WNK2: variants seen among roughly 807,000 people sequenced by gnomAD.
WNK2 encodes WNK lysine deficient protein kinase 2, also known as serine/threonine-protein kinase WNK2.
A neutral mutation model predicts 192.1 loss-of-function variants in WNK2; 67 were observed. The ratio of observed to expected loss-of-function variants is 0.35; its 90% CI spans 0.29 to 0.43. The LOEUF (loss-of-function observed/expected upper bound fraction) is 0.43. Among genes scored for constraint, WNK2 ranks in the 20% least tolerant of loss-of-function variants. The probability of loss-of-function intolerance (pLI) is 1.00; values close to 1 mark genes in which losing one functional copy is unlikely to be tolerated. For synonymous variants in WNK2, 1,439 were observed against 1,393.9 expected (o/e 1.03, Z -0.72); for missense variants, 2,698 against 3,089.7 (o/e 0.87, Z 3.01).
chr9:93,238,920 T>A (rs376304521), intron 6 of WNK2, among the ~76,000 whole-genome samples: 2 of 151,728 alleles, frequency 1.3e-5, no homozygotes, highest in Non-Finnish European at 2.9e-5. Flanking sequence ...CACACTGGAG[T>A]ACACCCACCA....
intron 2 of WNK2, among the ~76,000 whole-genome samples, chr9:93,211,174 A>ACTCACT (rs1834491811): frequency 1.3e-4 from 1 of 7,576 alleles, no homozygotes; most frequent in African/African-American, 4.7e-4. Context: ...CCTCACTCAT[A>ACTCACT]CATCCACTCA....
At chr9:93,203,069 G>T (rs1406533160) in intron 2 of WNK2, among the ~76,000 whole-genome samples, 3 of 151,752 alleles carry the variant, frequency 2.0e-5, no homozygotes, top group Non-Finnish European at 4.4e-5. Flanking sequence ...AGCCCCACAG[G>T]CCTTGTGGGG....
At chr9:93,191,507 A>T (rs1380474622) in intron 2 of WNK2, among the ~76,000 whole-genome samples, 1 of 151,770 alleles carries the variant, frequency 6.6e-6, no homozygotes, top group Non-Finnish European at 1.5e-5. Context: ...AGGCTGGAGG[A>T]GGGGCGGGAG....
chr9:93,314,899 T>C (rs369063962), intron 28 of WNK2, among the ~76,000 whole-genome samples: 2 of 150,954 alleles, frequency 1.3e-5, no homozygotes, highest in African/African-American at 2.5e-5. Flanking sequence ...CCGGGGGGGG[T>C]TTTGCTGAAG....
At chr9:93,270,272 G>A (rs868248731) in intron 19 of WNK2, among the ~76,000 whole-genome samples, 1 of 152,210 alleles carries the variant, frequency 6.6e-6, no homozygotes, top group Non-Finnish European at 1.5e-5. Context: ...GCATGTGCAC[G>A]GAAGGCCTTT....
At chr9:93,238,467 T>A in intron 6 of WNK2, 146 bp downstream of exon 6, 2 of 758,340 alleles carry the variant, frequency 2.6e-6, no homozygotes, top group Non-Finnish European at 4.5e-6. Flanking sequence ...CAGGGGCTGG[T>A]GAGCATGTCG....
chr9:93,269,064 C>T, intron 19 of WNK2: 1 of 944,336 alleles, frequency 1.1e-6, no homozygotes, highest in East Asian at 2.6e-5. Context: ...ACTCCTTGCT[C>T]CTGTCCCTTT....
At chr9:93,313,570 T>C (rs1854052399) in intron 28 of WNK2, among the ~76,000 whole-genome samples, 1 of 152,138 alleles carries the variant, frequency 6.6e-6, no homozygotes, top group African/African-American at 2.4e-5. Context: ...GAAATTGTAT[T>C]TGCAAAAAGA....
chr9:93,211,887 CACAT>C (rs548180710), intron 2 of WNK2, among the ~76,000 whole-genome samples: 5,225 of 151,820 alleles, frequency 0.034, 298 homozygotes, highest in African/African-American at 0.12. Flanking sequence ...CACACACTCA[CACAT>C]TTACTCATTC....
In WNK2 at chr9:93,299,061, C is replaced by T. The variant is rs1264598020; in HGVS notation, c.5924-9C>T. 2.5e-6 allele frequency: 4 copies of T among 1,607,460 alleles called. No individual in the cohort carries two copies. Among genetic ancestry groups the T allele is most frequent in the African/African-American group, 1.3e-5 (1 of 74,796 alleles). On this transcript the variant is annotated splice_polypyrimidine_tract_variant and intron_variant, in intron 24 of 29. Transcript: ENST00000427277. ...CATCGTGCCTGTCGCCTCTTCTCCC[C>T]CCGCCCAGGTCACTTGGCTGACTCC... is the stretch of plus-strand genomic sequence containing the variant.
chr9:93,317,287 G>A, intron 28 of WNK2: 1 of 591,520 alleles, frequency 1.7e-6, no homozygotes. Context: ...ACACCCAGGT[G>A]TGTGGCCTAG....
At chr9:93,260,875 G>A (rs1384371801) in intron 12 of WNK2, among the ~76,000 whole-genome samples, 1 of 152,218 alleles carries the variant, frequency 6.6e-6, no homozygotes, top group Admixed American at 6.5e-5. Flanking sequence ...GGGAGCAGGA[G>A]GGGGACCTTG....
rs1057440433 is a variant in WNK2, at chr9:93,259,159, A to G, written c.2611A>G (p.Met871Val). 2.5e-6 allele frequency: 4 copies of G among 1,602,890 alleles called. No individual in the cohort carries two copies. The highest frequency in any genetic ancestry group is 3.4e-6 in the Non-Finnish European group (4 of 1,176,234). The change falls in exon 12 of 30, where the codon ATG becomes GTG. Residue 871 changes from methionine to valine, a missense_variant. Physicochemically the swap from Met to Val is conservative, Grantham distance 21 (BLOSUM62 1). Coordinates refer to ENST00000427277, the MANE Select transcript of WNK2 (RefSeq NM_006648.4). The surrounding 1 kb of genome is among the most constrained non-coding windows in gnomAD (Gnocchi z 4.8). ...LPHPPGAPLAMPCRTIVPNAP... is the reference protein window; with the variant it reads ...LPHPPGAPLAVPCRTIVPNAP... The stretch of plus-strand genomic sequence containing the variant: ...CCACCCCCCTGGGGCGCCCCTGGCC[A>G]TGCCCTGCCGGACCATTGTGCCAAA...
intron 3 of WNK2, among the ~76,000 whole-genome samples, chr9:93,230,256 G>T (rs1838526297): frequency 6.6e-6 from 1 of 152,146 alleles, no homozygotes; most frequent in African/African-American, 2.4e-5. Flanking sequence ...TAAGGTCCCA[G>T]TCTGTACTGT....
chr9:93,263,723 A>G lies in WNK2; in HGVS notation c.3568A>G (p.Thr1190Ala). Residue 1190 changes from threonine to alanine, a missense_variant, in exon 15 of 30, where the codon ACC becomes GCC. Physicochemically the swap from Thr to Ala is moderately conservative, Grantham distance 58. This residue lies in a region of WNK2 where 893 missense variants were observed against 909.0 expected (regional missense o/e 0.98). Coordinates refer to ENST00000427277, the MANE Select transcript of WNK2 (RefSeq NM_006648.4). ...GGAGAGGGCCAGCCGGCCCCGGCTT[A>G]CCATCTTGAACGTGAGTGGGCGGGG... ...RQERASRPRLTILNVCNTGDK... is the reference protein window; with the variant it reads ...RQERASRPRLAILNVCNTGDK... 6.7e-7 allele frequency: 1 copy of G among 1,497,044 alleles called. No homozygotes were observed. The highest frequency in any genetic ancestry group is 8.9e-7 in the Non-Finnish European group (1 of 1,126,268). 92.7% of individuals were successfully genotyped at this position (1,497,044 alleles called of 1,614,324 possible).
chr9:93,248,115 A>G lies in WNK2; in HGVS notation c.1834+281A>G, dbSNP rs1306650148. 1.3e-5 allele frequency among the ~76,000 whole-genome samples: 2 copies of G among 152,210 alleles called. 1 individual carries two copies. Among genetic ancestry groups the G allele is most frequent in the Admixed American group, 1.3e-4 (2 of 15,286 alleles). On this transcript the variant is annotated intron_variant, in intron 8 of 29. Coordinates refer to ENST00000427277, the MANE Select transcript of WNK2 (RefSeq NM_006648.4). ...CTGCCAGCACCTTTGGTGCCAGGGCATGTCGGGAACTTCATAAGAGAGCAA... is the reference window on the plus strand; with the variant it reads ...CTGCCAGCACCTTTGGTGCCAGGGCGTGTCGGGAACTTCATAAGAGAGCAA...
chr9:93,314,118 A>C (rs77878476), intron 28 of WNK2, among the ~76,000 whole-genome samples: 30 of 127,936 alleles, frequency 2.3e-4, no homozygotes, highest in Non-Finnish European at 3.5e-4. Context: ...TAAAAGTACA[A>C]AAAAAAAAAA....
chr9:93,255,826 T>A (rs1484000368), intron 9 of WNK2, among the ~76,000 whole-genome samples: 1 of 152,224 alleles, frequency 6.6e-6, no homozygotes, highest in Non-Finnish European at 1.5e-5. Context: ...CAAATACCCA[T>A]TCTGAGAGCT....
chr9:93,308,354 G>A lies in WNK2; in HGVS notation c.6286G>A (p.Gly2096Ser). The A allele has an allele frequency of 6.4e-7, 1 of 1,556,150 alleles. No homozygotes were observed. Among genetic ancestry groups the A allele is most frequent in the South Asian group, 1.2e-5 (1 of 84,322 alleles). The change falls in exon 28 of 30, where the codon GGC becomes AGC. Residue 2096 changes from glycine (G) to serine (S), a missense_variant. By Grantham distance (56) the Gly-to-Ser change is moderately conservative. Coordinates refer to ENST00000427277, the MANE Select transcript of WNK2 (RefSeq NM_006648.4). ...GTCCTCCACCAGCAGCCTGGCCCCA[G>A]GCCCTGAGCCAGGCCCCCAGCCCGC... The part of the protein sequence containing the change: ...SRSSTSSLAP[G>S]PEPGPQPALH...
Sources: allele counts gnomAD v4.1 joint callset (sites outside exome capture counted in the v4.1 genomes callset), GRCh38; gene constraint gnomAD v4.1.1; regional missense constraint gnomAD v4.1.1; non-coding constraint Gnocchi (gnomAD v3.1); transcripts MANE v1.5; gene names NCBI Gene and HGNC (gene_info 2026-07-23, HGNC 2026-07-21).